The following RBFOX1 variants were observed in gnomAD, a reference collection of about 807,000 sequenced individuals.
The protein encoded by RBFOX1 is RNA binding fox-1 homolog 1, also known as RNA binding protein fox-1 homolog 1.
In RBFOX1, 8 loss-of-function variants were observed where a neutral mutation model predicts 57.7. The ratio of observed to expected loss-of-function variants is 0.14; its 90% CI spans 0.08 to 0.25. The LOEUF is 0.25. Among genes scored for constraint, RBFOX1 ranks in the 10% least tolerant of loss-of-function variants. The pLI, the probability that RBFOX1 is intolerant of heterozygous loss-of-function variation, is 1.00. For synonymous variants in RBFOX1, 326 were observed against 222.4 expected, an observed-to-expected ratio of 1.47 and a Z score of -4.15; for missense variants, 611 against 548.5, an observed-to-expected ratio of 1.11 and a Z score of -1.14.
chr16:6,669,243 G>T (rs998101830), intron 3 of RBFOX1, among the ~76,000 whole-genome samples: 2 of 152,140 alleles, frequency 1.3e-5, no homozygotes, highest in Admixed American at 6.5e-5. Flanking sequence ...TTCAAGGGTG[G>T]GGTGGGAAAC....
chr16:6,030,238 G>C (rs1596509723), intron 1 of RBFOX1, among the ~76,000 whole-genome samples: 1 of 152,154 alleles, frequency 6.6e-6, no homozygotes, highest in Non-Finnish European at 1.5e-5. Context: ...TATTTTTGAG[G>C]ACTCTGTTGG....
At chr16:5,641,062 A>G (rs1229222636) in intron 3 of RBFOX1, among the ~76,000 whole-genome samples, 1 of 148,794 alleles carries the variant, frequency 6.7e-6, no homozygotes, top group Non-Finnish European at 1.5e-5. Flanking sequence ...ACATACACCC[A>G]TGCACACCAT....
intron 2 of RBFOX1, among the ~76,000 whole-genome samples, chr16:6,414,013 A>G (rs931877799): frequency 4.6e-5 from 7 of 152,326 alleles, no homozygotes; most frequent in African/African-American, 1.7e-4. Flanking sequence ...GGAAATTCCA[A>G]CCATAGGGAT....
chr16:7,043,241 C>T (rs1468569635), intron 3 of RBFOX1, among the ~76,000 whole-genome samples: 1 of 152,156 alleles, frequency 6.6e-6, no homozygotes, highest in African/African-American at 2.4e-5. Context: ...GGTGCATCTC[C>T]TTTGAGCACC....
chr16:7,359,829 G>A (rs1389970136), intron 4 of RBFOX1, among the ~76,000 whole-genome samples: 2 of 151,894 alleles, frequency 1.3e-5, no homozygotes, highest in South Asian at 2.1e-4. Context: ...CTGAAAATAT[G>A]AAAAATTAGC....
At chr16:5,445,332 G>A (rs1258710045) in intron 1 of RBFOX1, among the ~76,000 whole-genome samples, 1 of 152,102 alleles carries the variant, frequency 6.6e-6, no homozygotes, top group East Asian at 1.9e-4. Context: ...TGGCTTGAAT[G>A]TTCCATGTTC....
rs375569053 is a variant in RBFOX1, at chr16:7,503,109, A to C, written c.28-15038A>C. 1.6e-4 allele frequency among the ~76,000 whole-genome samples: 25 copies of C among 152,206 alleles called. No individual in the cohort carries two copies. In the East Asian group the frequency reaches 3.1e-3, roughly 19 times the overall value. On this transcript the variant is annotated intron_variant, in intron 4 of 15. Coordinates refer to ENST00000550418, the MANE Select transcript of RBFOX1 (RefSeq NM_018723.4). ...GCACTACTTTTTATCTAGAATGTTT[A>C]TTTTTCTCTTCACTAGAACATTCTG...
chr16:6,045,297 C>A (rs916222089), intron 1 of RBFOX1, among the ~76,000 whole-genome samples: 1 of 152,078 alleles, frequency 6.6e-6, no homozygotes, highest in South Asian at 2.1e-4. Flanking sequence ...GGTACAGATA[C>A]CTTTTAAGGA....
intron 3 of RBFOX1, among the ~76,000 whole-genome samples, chr16:6,919,282 C>G (rs2073941693): frequency 6.6e-6 from 1 of 152,158 alleles, no homozygotes; most frequent in Admixed American, 6.5e-5. Flanking sequence ...GCCATGGCGC[C>G]TGGCCCAAGA....
At chr16:6,043,717 G>C (rs1189795222) in intron 1 of RBFOX1, among the ~76,000 whole-genome samples, 2 of 152,138 alleles carry the variant, frequency 1.3e-5, no homozygotes, top group African/African-American at 4.8e-5. Context: ...TCTTTTCCCA[G>C]GAAGCCAGTA....
At chr16:6,544,285 C>T (rs1370091325) in intron 2 of RBFOX1, among the ~76,000 whole-genome samples, 2 of 152,142 alleles carry the variant, frequency 1.3e-5, no homozygotes, top group East Asian at 1.9e-4. Flanking sequence ...AAATTAGCCT[C>T]ATAACTTTGA....
chr16:7,541,910 T>C (rs1266161502), intron 5 of RBFOX1, among the ~76,000 whole-genome samples: 1 of 152,196 alleles, frequency 6.6e-6, no homozygotes. Context: ...CAAAGAAGTC[T>C]TGGGTGAGCA....
intron 1 of RBFOX1, among the ~76,000 whole-genome samples, chr16:6,302,650 C>G (rs113742380): frequency 5.6e-4 from 85 of 152,136 alleles, no homozygotes; most frequent in Middle Eastern, 3.4e-3. Context: ...AGGATGCATA[C>G]GAACCAGGTC....
chr16:5,534,995 A>G (rs1353792887), intron 2 of RBFOX1, among the ~76,000 whole-genome samples: 2 of 152,230 alleles, frequency 1.3e-5, no homozygotes, highest in African/African-American at 2.4e-5. Flanking sequence ...TCAGTTCTGC[A>G]TGCCTGGGAA....
intron 4 of RBFOX1, among the ~76,000 whole-genome samples, chr16:7,127,699 C>T (rs1040260931): frequency 3.3e-5 from 5 of 152,158 alleles, no homozygotes; most frequent in Admixed American, 6.5e-5. Context: ...GAGTTTCTTT[C>T]AGAGGACTTT....
At chr16:7,650,755 G>C (rs1250637015) in intron 11 of RBFOX1, among the ~76,000 whole-genome samples, 2 of 152,210 alleles carry the variant, frequency 1.3e-5, no homozygotes, top group African/African-American at 2.4e-5. Context: ...TGCTCTGCCA[G>C]ATTGTGAATT....
intron 1 of RBFOX1, among the ~76,000 whole-genome samples, chr16:5,346,895 C>T (rs987555194): frequency 1.3e-5 from 2 of 152,156 alleles, no homozygotes; most frequent in Non-Finnish European, 2.9e-5. Context: ...AAATAACTGA[C>T]GTATATTCAG....
At chr16:6,296,040 A>G (rs1473889375) in intron 1 of RBFOX1, among the ~76,000 whole-genome samples, 1 of 152,232 alleles carries the variant, frequency 6.6e-6, no homozygotes, top group Non-Finnish European at 1.5e-5. Flanking sequence ...TCTTCTGTAA[A>G]GGAAGCTGAG....
chr16:5,680,818 C>G (rs915253201), intron 3 of RBFOX1, among the ~76,000 whole-genome samples: 1 of 151,980 alleles, frequency 6.6e-6, no homozygotes, highest in Non-Finnish European at 1.5e-5. Flanking sequence ...CCTCTATGTC[C>G]CAGGCATAGT....
Sources: gnomAD v4.1 joint callset for allele counts (sites outside exome capture counted in the v4.1 genomes callset) on GRCh38, gnomAD v4.1.1 for gene constraint, MANE v1.5 for transcripts, NCBI Gene and HGNC (gene_info 2026-07-23, HGNC 2026-07-21) for gene names.